EHBP1: variants seen among roughly 807,000 people sequenced by gnomAD.
EHBP1 encodes EH domain binding protein 1.
A neutral mutation model predicts 144.0 loss-of-function variants in EHBP1; 55 were observed. The observed-to-expected ratio is 0.38, with a 90% CI of 0.31 to 0.48. The LOEUF (loss-of-function observed/expected upper bound fraction) is 0.48, where lower values mean the gene tolerates loss of function less well. Ranked by LOEUF, EHBP1 falls within the 20% of genes least tolerant of loss-of-function variation. The probability of loss-of-function intolerance (pLI) is 0.98; values close to 1 mark genes in which losing one functional copy is unlikely to be tolerated. For synonymous variants in EHBP1, 469 were observed against 472.7 expected, an observed-to-expected ratio of 0.99 and a Z score of 0.10; for missense variants, 1,200 against 1,364.2, an observed-to-expected ratio of 0.88 and a Z score of 1.90.
At chr2:62,895,483 G>C (rs2052833511) in intron 10 of EHBP1, among the ~76,000 whole-genome samples, 1 of 152,030 alleles carries the variant, frequency 6.6e-6, no homozygotes, top group Non-Finnish European at 1.5e-5. Flanking sequence ...ATTTTAACCT[G>C]GGGCCCCAGT....
intron 14 of EHBP1, among the ~76,000 whole-genome samples, chr2:62,957,362 G>A (rs912999862): frequency 9.9e-5 from 15 of 152,110 alleles, no homozygotes; most frequent in East Asian, 7.7e-4. Flanking sequence ...TTATTAATGT[G>A]CTAAAATGTA....
intron 2 of EHBP1, among the ~76,000 whole-genome samples, chr2:62,710,437 T>G (rs191973332): frequency 3.3e-5 from 5 of 151,728 alleles, no homozygotes; most frequent in Admixed American, 3.3e-4. Flanking sequence ...GCTGTAAACT[T>G]TTCCCAAAAA....
chr2:62,944,597 A>G (rs769857991), intron 12 of EHBP1, among the ~76,000 whole-genome samples: 26 of 152,218 alleles, frequency 1.7e-4, no homozygotes, highest in South Asian at 1.0e-3. Flanking sequence ...ATATATCCCC[A>G]TTGTTAAGCA....
At chr2:62,785,587 G>T (rs1209182456) in intron 5 of EHBP1, among the ~76,000 whole-genome samples, 1 of 152,144 alleles carries the variant, frequency 6.6e-6, no homozygotes, top group Non-Finnish European at 1.5e-5. Flanking sequence ...GGAGTGGGTT[G>T]TGGCGGGGGA....
intron 15 of EHBP1, among the ~76,000 whole-genome samples, chr2:62,981,512 T>C (rs2058969854): frequency 6.6e-6 from 1 of 152,168 alleles, no homozygotes; most frequent in Non-Finnish European, 1.5e-5. Context: ...AAATGACTTG[T>C]AAGTGCTGGG....
chr2:62,924,789 C>T (rs2055361589), intron 10 of EHBP1, among the ~76,000 whole-genome samples: 1 of 152,146 alleles, frequency 6.6e-6, no homozygotes. Context: ...AGAATTAATA[C>T]CAATTCCTCT....
intron 7 of EHBP1, among the ~76,000 whole-genome samples, chr2:62,835,920 C>T (rs1256705831): frequency 2.6e-5 from 4 of 152,038 alleles, no homozygotes; most frequent in Admixed American, 1.3e-4. Context: ...GGGGGAGGGG[C>T]GCCCGCCATT....
At chr2:62,832,414 T>G (rs2046879113) in intron 7 of EHBP1, among the ~76,000 whole-genome samples, 1 of 151,270 alleles carries the variant, frequency 6.6e-6, no homozygotes, top group Non-Finnish European at 1.5e-5. Flanking sequence ...TTTATTGCAC[T>G]TCACAGATTT....
At chr2:62,969,558 CAT>C (rs1431167417) in intron 14 of EHBP1, among the ~76,000 whole-genome samples, 6 of 152,018 alleles carry the variant, frequency 3.9e-5, no homozygotes, top group African/African-American at 9.7e-5. Flanking sequence ...ATTTTCTACT[CAT>C]ATATTAAAAA....
At position 63,008,272 on chromosome 2, in the gene EHBP1, T is replaced by C. The variant is rs577641891; in HGVS notation, c.3103+11506T>C. Among the ~76,000 whole-genome samples, 8 of 151,840 alleles carry C rather than the reference T, an allele frequency of 5.3e-5. No homozygotes were observed. In the South Asian group the frequency reaches 1.7e-3, roughly 31 times the overall value. On this transcript the variant is annotated intron_variant, in intron 19 of 22. Transcript: ENST00000431489. ...TGCTGGGGTGGACTAGCAAGTGATA[T>C]GGCAGATTAACATTCTAAAAGGGTC...
intron 4 of EHBP1, among the ~76,000 whole-genome samples, chr2:62,770,472 C>T (rs1187708374): frequency 6.6e-6 from 1 of 152,194 alleles, no homozygotes; most frequent in Non-Finnish European, 1.5e-5. Context: ...GCATCTCACA[C>T]CAGTCAGAGT....
At chr2:62,880,346 G>GAAAAAAAAAAAA (rs59916252) in intron 10 of EHBP1, among the ~76,000 whole-genome samples, 1 of 133,774 alleles carries the variant, frequency 7.5e-6, no homozygotes, top group Non-Finnish European at 1.6e-5. Context: ...TAGCAATTGT[G>GAAAAAAAAAAAA]AAAAAAAAAA....
chr2:62,727,872 G>T (rs908095675), intron 2 of EHBP1, among the ~76,000 whole-genome samples: 1 of 152,174 alleles, frequency 6.6e-6, no homozygotes, highest in Non-Finnish European at 1.5e-5. Flanking sequence ...GCTTGCACTT[G>T]AGCGCAAGGG....
At chr2:62,797,104 C>A (rs917803748) in intron 5 of EHBP1, among the ~76,000 whole-genome samples, 9 of 152,140 alleles carry the variant, frequency 5.9e-5, no homozygotes, top group African/African-American at 2.2e-4. Context: ...GTGAACATAT[C>A]CTGACTGGTA....
intron 5 of EHBP1, among the ~76,000 whole-genome samples, chr2:62,821,005 G>A (rs1057501449): frequency 1.3e-5 from 2 of 151,126 alleles, no homozygotes; most frequent in Non-Finnish European, 2.9e-5. Flanking sequence ...GCTTTATTAT[G>A]TATATTTCAT....
chr2:62,820,469 CTT>C (rs1397556339), intron 5 of EHBP1, among the ~76,000 whole-genome samples: 2 of 151,278 alleles, frequency 1.3e-5, no homozygotes, highest in Non-Finnish European at 2.9e-5. Flanking sequence ...ATTTCCAGAA[CTT>C]TTTCATCATC....
chr2:62,676,007 T>C (rs922796627), intron 1 of EHBP1, among the ~76,000 whole-genome samples: 2 of 152,170 alleles, frequency 1.3e-5, no homozygotes, highest in Admixed American at 6.5e-5. Context: ...CGGCCAGCCT[T>C]GGCCTCCCAA....
chr2:62,907,136 T>C (rs1350968710), intron 10 of EHBP1, among the ~76,000 whole-genome samples: 1 of 152,220 alleles, frequency 6.6e-6, no homozygotes, highest in Non-Finnish European at 1.5e-5. Context: ...AAAGTTTTCT[T>C]TTCTCTGGCA....
chr2:62,929,483 C>T (rs1232217234), intron 10 of EHBP1, among the ~76,000 whole-genome samples: 1 of 152,030 alleles, frequency 6.6e-6, no homozygotes, highest in Non-Finnish European at 1.5e-5. Flanking sequence ...ATGTAATCAT[C>T]TCAGTCAATC....
Sources: allele counts gnomAD v4.1 joint callset (sites outside exome capture counted in the v4.1 genomes callset), GRCh38; gene constraint gnomAD v4.1.1; transcripts MANE v1.5; gene names NCBI Gene and HGNC (gene_info 2026-07-23, HGNC 2026-07-21).